The following YIF1A variants were observed in gnomAD, a reference collection of about 807,000 sequenced individuals.
YIF1A encodes Yip1 interacting factor homolog A, membrane trafficking protein.
A neutral mutation model predicts 32.6 loss-of-function variants in YIF1A; 28 were observed. The observed-to-expected ratio is 0.86, with a 90% CI of 0.64 to 1.18. YIF1A has a LOEUF of 1.18. Ranked by LOEUF, YIF1A falls within the 50% of genes most tolerant of loss-of-function variation. The pLI is 0.00. For synonymous variants in YIF1A, 175 were observed against 162.2 expected, an observed-to-expected ratio of 1.08 and a Z score of -0.60; for missense variants, 373 against 390.8, an observed-to-expected ratio of 0.95 and a Z score of 0.38.
At position 66,284,594 on chromosome 11, in the gene YIF1A, T is replaced by C. The variant is rs1857319397; in HGVS notation, c.*43A>G. On this transcript the variant is annotated 3_prime_UTR_variant, in exon 8 of 8. Transcript: ENST00000376901. ...GTCAGACAAAGTCAAGGAAATCAAA[T>C]CTTCAATGAATGAAAAACTCAGTGC... The C allele has an allele frequency of 6.2e-7, 1 of 1,602,744 alleles. No homozygotes were observed. Among genetic ancestry groups the C allele is most frequent in the African/African-American group, 1.3e-5 (1 of 74,602 alleles).
intron 4 of YIF1A, chr11:66,287,341 G>T (rs968604808): frequency 1.9e-6 from 1 of 514,582 alleles, no homozygotes; most frequent in South Asian, 2.4e-5. Context: ...GCTCCAGGCT[G>T]GGGAGGGATA....
chr11:66,288,346 A>C (rs994461775), intron 1 of YIF1A, 54 bp from the exon 2 acceptor site: 1 of 1,605,440 alleles, frequency 6.2e-7, no homozygotes, highest in South Asian at 1.1e-5. Context: ...CATGAGCCCA[A>C]ACCACCGCCC....
intron 4 of YIF1A, among the ~76,000 whole-genome samples, chr11:66,286,077 G>A (rs1377723904): frequency 6.6e-6 from 1 of 152,230 alleles, no homozygotes; most frequent in Non-Finnish European, 1.5e-5. Flanking sequence ...CCTATACAGG[G>A]ACCAAACTGG....
In YIF1A at chr11:66,288,229, C is replaced by A. The variant is rs535719437; in HGVS notation, c.95G>T (p.Gly32Val). The change falls in exon 2 of 8, where the codon GGT (glycine) becomes GTT (valine). Residue 32 changes from glycine (G) to valine (V), a missense_variant. Physicochemically the swap from Gly to Val is moderately radical, Grantham distance 109. Transcript: ENST00000376901. ...GTATCCCCCGGGCTGGCTGGAATAA[C>A]CACCGCTTGTGTCATCGAAGAGGGG... Reference protein sequence around the residue: ...PPPLFDDTSGGYSSQPGGYPA... With the variant: ...PPPLFDDTSGVYSSQPGGYPA... 1 of 1,614,086 alleles carries A rather than the reference C, an allele frequency of 6.2e-7. No homozygotes were observed. Among genetic ancestry groups the A allele is most frequent in the South Asian group, 1.1e-5 (1 of 91,090 alleles).
Position 66,287,888 on chromosome 11 carries a change from A to G in YIF1A, c.272T>C (p.Leu91Pro). Reference protein sequence around the residue: ...ELHRFVSVSKLKYFFAVDTAY... With the variant: ...ELHRFVSVSKPKYFFAVDTAY... ...TGTGTCCACAGCAAAAAAATACTTG[A>G]GTTTGCTCACAGACACAAAACGGTG... Residue 91 changes from leucine (L) to proline (P), a missense_variant, in exon 3 of 8, where the codon CTC (leucine) becomes CCC (proline). Physicochemically the swap from Leu to Pro is moderately conservative, Grantham distance 98 (BLOSUM62 -3). Transcript: ENST00000376901. 1.9e-6 allele frequency: 3 copies of G among 1,613,744 alleles called. No homozygotes were observed.
chr11:66,285,372 A>G lies in YIF1A; in HGVS notation c.641+9T>C. 1 of 1,607,990 alleles carries G rather than the reference A, an allele frequency of 6.2e-7. No homozygotes were observed. The highest frequency in any genetic ancestry group is 1.1e-5 in the South Asian group (1 of 90,912). On this transcript the variant is annotated intron_variant, in intron 6 of 7. Transcript: ENST00000376901. The stretch of plus-strand genomic sequence containing the variant: ...CAAGGCCACCTCCCCCTGGCCCACA[A>G]GTGCTCACCCCACGTATTTGTAGCC...
At chr11:66,286,165 G>A (rs924135853) in intron 4 of YIF1A, among the ~76,000 whole-genome samples, 5 of 152,244 alleles carry the variant, frequency 3.3e-5, no homozygotes, top group Admixed American at 2.0e-4. Flanking sequence ...TGACCTCACC[G>A]CAGTCAGCAA....
Position 66,288,134 on chromosome 11 carries a change from T to C in YIF1A, c.190A>G (p.Met64Val). The change falls in exon 2 of 8, where the codon ATG (methionine) becomes GTG (valine). Residue 64 changes from methionine to valine, a missense_variant. Transcript: ENST00000376901. ...GATGCGATGGAGCTGCCATAGGCCA[T>C]AGCCACATTGGCCATTGGGTCCCCA... is the stretch of plus-strand genomic sequence containing the variant. ...LLGDPMANVA[M>V]AYGSSIASHG... 3 of 1,614,136 alleles carry C rather than the reference T, an allele frequency of 1.9e-6. No individual in the cohort carries two copies. Among genetic ancestry groups the C allele is most frequent in the Non-Finnish European group, 2.5e-6 (3 of 1,180,032 alleles).
At chr11:66,286,571 G>A (rs1857359916) in intron 4 of YIF1A, among the ~76,000 whole-genome samples, 1 of 152,176 alleles carries the variant, frequency 6.6e-6, no homozygotes, top group African/African-American at 2.4e-5. Flanking sequence ...AGGCTGCAGT[G>A]AGCCAAGATC....
intron 1 of YIF1A, 25 bp from the exon 2 acceptor site, chr11:66,288,317 A>G: frequency 6.2e-7 from 1 of 1,613,554 alleles, no homozygotes; most frequent in Non-Finnish European, 8.5e-7. Context: ...GTATCAGAGT[A>G]GATGACAGAA....
chr11:66,288,229 C>G lies in YIF1A; in HGVS notation c.95G>C (p.Gly32Ala). 1 of 1,614,086 alleles carries G rather than the reference C, an allele frequency of 6.2e-7. No homozygotes were observed. Among genetic ancestry groups the G allele is most frequent in the Non-Finnish European group, 8.5e-7 (1 of 1,180,038 alleles). Reference sequence around the variant, plus strand: ...GTATCCCCCGGGCTGGCTGGAATAACCACCGCTTGTGTCATCGAAGAGGGG... The same window carrying G: ...GTATCCCCCGGGCTGGCTGGAATAAGCACCGCTTGTGTCATCGAAGAGGGG... ...PPPLFDDTSG[G>A]YSSQPGGYPA... Residue 32 changes from glycine (G) to alanine (A), a missense_variant, in exon 2 of 8, where the codon GGT becomes GCT. Gly to Ala is a moderately conservative substitution (Grantham distance 60, BLOSUM62 0). Transcript: ENST00000376901.
rs1857347699 is a variant in YIF1A at position 66,285,771 on chromosome 11, A to G, written c.428-13T>C. 6.2e-7 allele frequency: 1 copy of G among 1,612,128 alleles called. No individual in the cohort carries two copies. The highest frequency in any genetic ancestry group is 1.1e-5 in the South Asian group (1 of 91,006). ...ATGAAGGCCATCGCTGCCAAGTGCC[A>G]GAGAGATGCCATCAGCTTGGCTTCC... On this transcript the variant is annotated splice_polypyrimidine_tract_variant and intron_variant, in intron 4 of 7. Transcript: ENST00000376901.
intron 1 of YIF1A, 96 bp from the exon 2 acceptor site, chr11:66,288,388 T>C: frequency 6.8e-7 from 1 of 1,460,568 alleles, no homozygotes; most frequent in Non-Finnish European, 9.5e-7. Context: ...GCACGGGTCC[T>C]GGAGGCACCG....
intron 1 of YIF1A, 87 bp from the exon 2 acceptor site, chr11:66,288,379 C>G: frequency 6.5e-7 from 1 of 1,536,470 alleles, no homozygotes; most frequent in Non-Finnish European, 8.9e-7. Flanking sequence ...GACAGCCCTG[C>G]ACGGGTCCTG....
chr11:66,285,652 G>A lies in YIF1A; in HGVS notation c.485+49C>T, dbSNP rs568782610. The A allele has an allele frequency of 8.2e-5, 132 of 1,612,294 alleles. 2 individuals are homozygous for A. The South Asian group carries it at 1.3e-3, about 16-fold the overall frequency. On this transcript the variant is annotated intron_variant, in intron 5 of 7. Transcript: ENST00000376901. ...ACCACATATGCCCTAGGGAGGTTGGGAGAAGAGCTCACAGGGAGGGGAGGG... is the reference window on the plus strand; with the variant it reads ...ACCACATATGCCCTAGGGAGGTTGGAAGAAGAGCTCACAGGGAGGGGAGGG...
intron 6 of YIF1A, 61 bp downstream of exon 6, chr11:66,285,320 G>A (rs201246428): frequency 1.5e-5 from 24 of 1,575,182 alleles, no homozygotes; most frequent in East Asian, 6.7e-5. Flanking sequence ...GTCACAGTTC[G>A]AGGCTACAGC....
chr11:66,287,748 G>A (rs1857380978), intron 3 of YIF1A, 64 bp downstream of exon 3: 2 of 1,609,754 alleles, frequency 1.2e-6, no homozygotes, highest in Non-Finnish European at 1.7e-6. Context: ...AGGGGGTTGA[G>A]GTCTGGGGGC....
In YIF1A at chr11:66,284,959, G is replaced by A; in HGVS notation, c.649C>T (p.Leu217Phe). ...AACAGCAGCCCCGTGAGCACACTGA[G>A]GATCATTCTGGGGGTGGGAGGAGGA... ...YSGYKYVGMI[L>F]SVLTGLLFGS... The change falls in exon 7 of 8, where the codon CTC becomes TTC. Residue 217 changes from leucine (L) to phenylalanine (F), a missense_variant. Coordinates refer to ENST00000376901, the MANE Select transcript of YIF1A (RefSeq NM_020470.3). 6.2e-7 allele frequency: 1 copy of A among 1,613,244 alleles called. No individual in the cohort carries two copies.
rs769058611 is a variant in YIF1A, at chr11:66,287,659, G to C, written c.366C>G (p.Tyr122Ter). ...PYTHQNWEVQ[Y>*]SRDAPLPPRQ... ...GGGGGGGCAGAGGAGCATCACGACT[G>C]TACTGCACTTCCCAGTTCTGGCAGT... The change falls in exon 4 of 8, where the codon TAC (tyrosine) becomes TAG (stop). Residue 122 changes from tyrosine to a stop codon, truncating the protein, a stop_gained. Transcript: ENST00000376901. LOFTEE classifies it high-confidence loss of function. 2 of 1,613,622 alleles carry C rather than the reference G, an allele frequency of 1.2e-6. No individual in the cohort carries two copies. Among genetic ancestry groups the C allele is most frequent in the South Asian group, 2.2e-5 (2 of 91,082 alleles).
Sources: gnomAD v4.1 joint callset for allele counts (sites outside exome capture counted in the v4.1 genomes callset) on GRCh38, gnomAD v4.1.1 for gene constraint, MANE v1.5 for transcripts, NCBI Gene and HGNC (gene_info 2026-07-23, HGNC 2026-07-21) for gene names.